The following CAGE1 variants were observed in gnomAD, a reference collection of about 807,000 sequenced individuals.
The protein encoded by CAGE1 is cancer-associated gene 1 protein.
Under a neutral mutation model 94.9 loss-of-function variants are expected in CAGE1, and 66 were observed. That is an observed-to-expected ratio of 0.70 (90% CI 0.57 to 0.85). The LOEUF (loss-of-function observed/expected upper bound fraction) is 0.85. Ranked by LOEUF, CAGE1 falls within the 40% of genes least tolerant of loss-of-function variation. The pLI is 0.00. For missense variants in CAGE1, 865 were observed against 950.4 expected, an observed-to-expected ratio of 0.91 and a Z score of 1.18; for synonymous variants, 319 against 321.0, an observed-to-expected ratio of 0.99 and a Z score of 0.07.
chr6:7,368,114 G>A (rs1009422858), intron 7 of CAGE1, among the ~76,000 whole-genome samples: 4 of 151,866 alleles, frequency 2.6e-5, no homozygotes, highest in Non-Finnish European at 5.9e-5. Context: ...TTAGCTGGAC[G>A]TGGCAGCACA....
At chr6:7,348,059 C>T (rs1759629480) in intron 11 of CAGE1, among the ~76,000 whole-genome samples, 1 of 152,148 alleles carries the variant, frequency 6.6e-6, no homozygotes, top group Non-Finnish European at 1.5e-5. Context: ...TTCCTTTTCT[C>T]TCCATACTAC....
At chr6:7,346,167 AAG>A (rs1317792122) in intron 11 of CAGE1, among the ~76,000 whole-genome samples, 1 of 152,252 alleles carries the variant, frequency 6.6e-6, no homozygotes, top group Non-Finnish European at 1.5e-5. Flanking sequence ...ATAATTTTTG[AAG>A]CAGTGTATAC....
intron 3 of CAGE1, among the ~76,000 whole-genome samples, chr6:7,383,681 C>A (rs1761015696): frequency 6.6e-6 from 1 of 151,976 alleles, no homozygotes; most frequent in African/African-American, 2.4e-5. Flanking sequence ...TTAACTTTTT[C>A]ACTTCTGAAT....
At chr6:7,359,367 T>TTAAG (rs1760095091) in intron 9 of CAGE1, among the ~76,000 whole-genome samples, 1 of 152,162 alleles carries the variant, frequency 6.6e-6, no homozygotes, top group African/African-American at 2.4e-5. Context: ...CTTAAAGATG[T>TTAAG]TAAGTATCTT....
chr6:7,331,339 G>T, intron 12 of CAGE1: 1 of 1,066,618 alleles, frequency 9.4e-7, no homozygotes, highest in Non-Finnish European at 1.3e-6. Flanking sequence ...AGACCCGTAA[G>T]TCTGGACAAG....
At chr6:7,372,966 A>G (rs1760593392) in intron 5 of CAGE1, 107 bp downstream of exon 5, 37 of 833,954 alleles carry the variant, frequency 4.4e-5, no homozygotes, top group Non-Finnish European at 5.6e-5. Context: ...TCTTTCTTTA[A>G]TAATTCTTTC....
intron 1 of CAGE1, among the ~76,000 whole-genome samples, chr6:7,387,863 C>CAAAAAAAAAAAA (rs70978962): frequency 9.2e-6 from 1 of 108,922 alleles, no homozygotes; most frequent in Admixed American, 9.3e-5. Flanking sequence ...ACTAAAAATA[C>CAAAAAAAAAAAA]AAAAAAAAAA....
In CAGE1 at chr6:7,345,341, A is replaced by G. The variant is rs556302078; in HGVS notation, c.2369+9700T>C. Among the ~76,000 whole-genome samples, 126 of 148,030 alleles carry G rather than the reference A, an allele frequency of 8.5e-4. No homozygotes were observed. The South Asian group carries it at 0.012, about 14-fold the overall frequency. On this transcript the variant is annotated intron_variant, in intron 11 of 13. Coordinates refer to ENST00000502583, the MANE Select transcript of CAGE1 (RefSeq NM_001170692.2). ...CAGCGAGACCACTAAACCCAGCAGG[A>G]TGAAAGAAACTCTGAACACATCAGA...
rs1195869486 is a variant in CAGE1, at chr6:7,353,810, G to C, written c.2369+1231C>G. On this transcript the variant is annotated intron_variant, in intron 11 of 13. Transcript: ENST00000502583. ...ATTTGCAGTGACCTGGATGAGACTG[G>C]AGACTATTATTCTAAGTGAAGGAAC... is the stretch of plus-strand genomic sequence containing the variant. 2.0e-5 allele frequency among the ~76,000 whole-genome samples: 3 copies of C among 151,948 alleles called. No individual in the cohort carries two copies. The East Asian group carries it at 5.8e-4, about 29-fold the overall frequency.
At chr6:7,349,333 T>C (rs1048088434) in intron 11 of CAGE1, among the ~76,000 whole-genome samples, 1 of 152,076 alleles carries the variant, frequency 6.6e-6, no homozygotes, top group Non-Finnish European at 1.5e-5. Context: ...GAAGGAAAGA[T>C]ACAGTCTGTT....
At chr6:7,333,181 C>T (rs1005301171) in intron 12 of CAGE1, among the ~76,000 whole-genome samples, 1 of 152,220 alleles carries the variant, frequency 6.6e-6, no homozygotes, top group South Asian at 2.1e-4. Flanking sequence ...GAACTCTTGA[C>T]CTCAAGTGAT....
intron 4 of CAGE1, among the ~76,000 whole-genome samples, 182 bp from the exon 5 acceptor site, chr6:7,374,313 T>C (rs920498763): frequency 3.9e-5 from 6 of 152,232 alleles, no homozygotes; most frequent in South Asian, 2.1e-4. Context: ...ACCTATGTAT[T>C]AATTGCTAAA....
intron 7 of CAGE1, among the ~76,000 whole-genome samples, chr6:7,367,241 C>A (rs1398110079): frequency 6.8e-6 from 1 of 147,486 alleles, no homozygotes; most frequent in Non-Finnish European, 1.5e-5. Flanking sequence ...AAAAATTAAC[C>A]AAAAGAACAT....
At position 7,376,433 on chromosome 6, in the gene CAGE1, T is replaced by A. The variant is rs116669410; in HGVS notation, c.687+2184A>T. Among the ~76,000 whole-genome samples, 209 of 144,618 alleles carry A rather than the reference T, an allele frequency of 1.4e-3. 3 individuals are homozygous for A. The highest frequency in any genetic ancestry group is 0.011 in the South Asian group (52 of 4,578). The allele number at this position is 144,618 out of a possible 152,430, so 94.9% of individuals were successfully genotyped here. ...ATAAATAAATAAATAAATAAATAAA[T>A]AAAATAAAAGTTAGTTTGGCCTCCA... is the stretch of plus-strand genomic sequence containing the variant. On this transcript the variant is annotated intron_variant, in intron 4 of 13. Transcript: ENST00000502583.
intron 9 of CAGE1, among the ~76,000 whole-genome samples, chr6:7,363,382 G>A (rs1395024775): frequency 2.0e-5 from 3 of 152,116 alleles, no homozygotes; most frequent in African/African-American, 7.2e-5. Flanking sequence ...TATCTAATAT[G>A]CTGAATTCAA....
At chr6:7,350,418 A>T (rs1315581005) in intron 11 of CAGE1, among the ~76,000 whole-genome samples, 1 of 152,208 alleles carries the variant, frequency 6.6e-6, no homozygotes, top group East Asian at 1.9e-4. Flanking sequence ...GACTTAACAG[A>T]TATATACAGA....
At chr6:7,377,682 A>G (rs1760802247) in intron 4 of CAGE1, among the ~76,000 whole-genome samples, 1 of 152,212 alleles carries the variant, frequency 6.6e-6, no homozygotes, top group Non-Finnish European at 1.5e-5. Context: ...GGTTGCGGTG[A>G]GCCAAGATCA....
Position 7,383,637 on chromosome 6 carries a change from ATCT to A in CAGE1, c.283+2145_283+2147del, listed in dbSNP as rs528244665. 6.7e-4 allele frequency among the ~76,000 whole-genome samples: 102 copies of A among 152,268 alleles called. 1 individual carries two copies. Among genetic ancestry groups the A allele is most frequent in the African/African-American group, 2.3e-3 (95 of 41,556 alleles). On this transcript the variant is annotated intron_variant, in intron 3 of 13. Coordinates refer to ENST00000502583, the MANE Select transcript of CAGE1 (RefSeq NM_001170692.2). ...GTTATCTAGCAGGGTAAGTCTCCAC[ATCT>A]TCTTTTTCAAAATTGTATTGGGTAT...
rs1759086325 is a variant in CAGE1, at chr6:7,339,442, G to A, written c.2370-5352C>T. On this transcript the variant is annotated intron_variant, in intron 11 of 13. Transcript: ENST00000502583. The surrounding 1 kb of genome is among the most constrained non-coding windows in gnomAD (Gnocchi z 4.7). ...AAGACAATGATTTCTGTCCTGGTTGGTGTAACTCGCATCTCAACTCCAGAG... is the reference window on the plus strand; with the variant it reads ...AAGACAATGATTTCTGTCCTGGTTGATGTAACTCGCATCTCAACTCCAGAG... 5 of 1,322,152 alleles carry A rather than the reference G, an allele frequency of 3.8e-6. No homozygotes were observed. In the Admixed American group the frequency reaches 8.4e-5, roughly 22 times the overall value. 81.9% of individuals were successfully genotyped at this position (1,322,152 alleles called of 1,614,324 possible).
Sources: gnomAD v4.1 joint callset for allele counts (sites outside exome capture counted in the v4.1 genomes callset) on GRCh38, gnomAD v4.1.1 for gene constraint, Gnocchi (gnomAD v3.1) non-coding constraint, MANE v1.5 for transcripts, NCBI Gene and HGNC (gene_info 2026-07-23, HGNC 2026-07-21) for gene names.